Variants in TBCE observed in about 807,000 individuals in gnomAD.
TBCE encodes tubulin-specific chaperone E.
Under a neutral mutation model 77.0 loss-of-function variants are expected in TBCE, and 53 were observed. That is an observed-to-expected ratio of 0.69 (90% CI 0.55 to 0.87). TBCE has a LOEUF of 0.87. TBCE is among the 40% of genes least tolerant of loss of function. TBCE has a pLI of 0.00. For synonymous variants in TBCE, 235 were observed against 241.3 expected, an observed-to-expected ratio of 0.97 and a Z score of 0.24; for missense variants, 624 against 622.4, an observed-to-expected ratio of 1.00 and a Z score of -0.03.
chr1:235,450,094 A>C lies in TBCE; in HGVS notation c.*1332A>C. On this transcript the variant is annotated 3_prime_UTR_variant, in exon 17 of 17. Coordinates refer to ENST00000642610, the MANE Select transcript of TBCE (RefSeq NM_003193.5). ...GTTCTGGGTGAAAGTGCCAGTCTGG[A>C]ACTCTCTTGAAAGACCATACAGTCT... 7.6e-7 allele frequency: 1 copy of C among 1,313,478 alleles called. No individual in the cohort carries two copies. The highest frequency in any genetic ancestry group is 1.1e-6 in the Non-Finnish European group (1 of 940,566). The allele number at this position is 1,313,478 out of a possible 1,614,324, so 81.4% of individuals were successfully genotyped here. A position where few individuals can be genotyped will look rare whatever the true frequency, so the allele number is the denominator to read the frequency against.
intron 1 of TBCE, among the ~76,000 whole-genome samples, chr1:235,370,563 T>G (rs1011527184): frequency 4.6e-5 from 7 of 151,468 alleles, no homozygotes; most frequent in Non-Finnish European, 1.0e-4. Context: ...TTTTTTTTTT[T>G]TTTGGGAAGA....
rs1682921615 is a variant in TBCE, at chr1:235,451,823, AAGCCAG to A, written c.*3062_*3067del. 6.6e-6 allele frequency: 1 copy of A among 152,220 alleles called. No homozygotes were observed. The highest frequency in any genetic ancestry group is 2.4e-5 in the African/African-American group (1 of 41,458). The allele number at this position is 152,220 out of a possible 1,614,324, so 9.4% of individuals were successfully genotyped here. A position where few individuals can be genotyped will look rare whatever the true frequency, so the allele number is the denominator to read the frequency against. ...TCCAGAACAGAAATCTCTGAAGCTA[AAGCCAG>A]CTTTGTGCTTGATTTCTTCCCAGGG... is the stretch of plus-strand genomic sequence containing the variant. On this transcript the variant is annotated 3_prime_UTR_variant, in exon 17 of 17. Coordinates refer to ENST00000642610, the MANE Select transcript of TBCE (RefSeq NM_003193.5).
chr1:235,437,918 A>T (rs977961994), intron 12 of TBCE, among the ~76,000 whole-genome samples: 27 of 152,246 alleles, frequency 1.8e-4, no homozygotes, highest in Non-Finnish European at 2.8e-4. Flanking sequence ...AGCCTTGTGC[A>T]GTTTCATAAT....
chr1:235,433,251 T>C, intron 7 of TBCE: 6 of 1,131,858 alleles, frequency 5.3e-6, no homozygotes, highest in Non-Finnish European at 6.8e-6. Flanking sequence ...GATGGAGTCT[T>C]GCTCTGTTGC....
In TBCE at chr1:235,413,175, G is replaced by T. The variant is rs370240354; in HGVS notation, c.186-1258G>T. Among the ~76,000 whole-genome samples the T allele has an allele frequency of 2.0e-5, 3 of 152,246 alleles. No individual in the cohort carries two copies. In the East Asian group the frequency reaches 5.8e-4, roughly 29 times the overall value. On this transcript the variant is annotated intron_variant, in intron 3 of 16. Coordinates refer to ENST00000642610, the MANE Select transcript of TBCE (RefSeq NM_003193.5). ...TAATGGTTGTTGCCTGGGCAACGTA[G>T]TGAGATGTTGTCTCTTAAAAAAAGT...
At chr1:235,440,399 TA>T in intron 13 of TBCE, among the ~76,000 whole-genome samples, 1 of 152,120 alleles carries the variant, frequency 6.6e-6, no homozygotes, top group East Asian at 1.9e-4. Flanking sequence ...CGTATATATA[TA>T]TATTTTTTTG....
At chr1:235,382,376 C>T (rs1000137041) in intron 2 of TBCE, among the ~76,000 whole-genome samples, 1 of 152,082 alleles carries the variant, frequency 6.6e-6, no homozygotes, top group East Asian at 1.9e-4. Context: ...TCTAGATCCC[C>T]AAGGAATCGC....
At chr1:235,378,715 C>T (rs1259447779) in intron 1 of TBCE, among the ~76,000 whole-genome samples, 4 of 151,742 alleles carry the variant, frequency 2.6e-5, no homozygotes, top group Admixed American at 1.3e-4. Flanking sequence ...GGTATGGTGG[C>T]GTGTGCGTGG....
At chr1:235,405,339 T>TA (rs1491271151) in intron 3 of TBCE, among the ~76,000 whole-genome samples, 1 of 114,180 alleles carries the variant, frequency 8.8e-6, no homozygotes, top group East Asian at 2.5e-4. Flanking sequence ...TTTTTTTTTT[T>TA]AATAAGTAGG....
intron 2 of TBCE, among the ~76,000 whole-genome samples, chr1:235,386,700 C>G (rs970347666): frequency 2.0e-5 from 3 of 152,126 alleles, no homozygotes; most frequent in African/African-American, 7.2e-5. Flanking sequence ...ATACATTCGT[C>G]TAAATTTTTT....
intron 4 of TBCE, among the ~76,000 whole-genome samples, chr1:235,417,104 CACT>C (rs1680152689): frequency 6.6e-6 from 1 of 152,118 alleles, no homozygotes; most frequent in South Asian, 2.1e-4. Flanking sequence ...GAGATCGTAC[CACT>C]AAGAAGAGAC....
At chr1:235,391,227 C>T (rs942403397) in intron 2 of TBCE, among the ~76,000 whole-genome samples, 6 of 151,868 alleles carry the variant, frequency 4.0e-5, no homozygotes, top group East Asian at 1.9e-4. Flanking sequence ...TGGTGGCTCA[C>T]GCCTGTAATC....
At chr1:235,417,989 C>T (rs1680197460) in intron 4 of TBCE, among the ~76,000 whole-genome samples, 1 of 152,136 alleles carries the variant, frequency 6.6e-6, no homozygotes, top group South Asian at 2.1e-4. Flanking sequence ...ACCATGTTGG[C>T]CAGGCTGGTC....
Position 235,448,919 on chromosome 1 carries a change from A to C in TBCE, c.*157A>C. ...ATGTATTTTTTGTTGGGAAGTGACC[A>C]TTTCTAGGCTTATACATAATAGCAA... On this transcript the variant is annotated 3_prime_UTR_variant, in exon 17 of 17. Transcript: ENST00000642610. 1.5e-6 allele frequency: 1 copy of C among 649,402 alleles called. No homozygotes were observed. Among genetic ancestry groups the C allele is most frequent in the Admixed American group, 2.2e-5 (1 of 44,748 alleles). The allele number at this position is 649,402 out of a possible 1,614,324, so 40.2% of individuals were successfully genotyped here.
intron 2 of TBCE, among the ~76,000 whole-genome samples, chr1:235,390,641 A>G (rs1328459695): frequency 6.6e-6 from 1 of 151,838 alleles, no homozygotes; most frequent in Non-Finnish European, 1.5e-5. Context: ...CATGCCAATA[A>G]TCCGAGCTAC....
At position 235,438,877 on chromosome 1, in the gene TBCE, G is replaced by A. The variant is rs142349400; in HGVS notation, c.1225G>A (p.Glu409Lys). ...GGATCCGGAAAAAAACAGACTCAGC[G>A]AAGAATTCCTCACAGCCCATCCCAG... ...HKDPEKNRLS[E>K]EFLTAHPRYQ... The change falls in exon 13 of 17, where the codon GAA (glutamate) becomes AAA (lysine). Residue 409 changes from glutamate to lysine, a missense_variant. By Grantham distance (56) the Glu-to-Lys change is moderately conservative. Transcript: ENST00000642610. 9.3e-6 allele frequency: 15 copies of A among 1,614,018 alleles called. No homozygotes were observed. The East Asian group carries it at 1.6e-4, about 17-fold the overall frequency.
intron 3 of TBCE, among the ~76,000 whole-genome samples, 193 bp from the exon 4 acceptor site, chr1:235,414,240 C>T (rs904691268): frequency 6.6e-6 from 1 of 152,168 alleles, no homozygotes; most frequent in Non-Finnish European, 1.5e-5. Context: ...AGGGATTTAA[C>T]ATGCTTGCAT....
intron 15 of TBCE, among the ~76,000 whole-genome samples, chr1:235,446,853 T>A (rs1258161550): frequency 1.3e-5 from 2 of 151,992 alleles, no homozygotes; most frequent in Non-Finnish European, 1.5e-5. Flanking sequence ...CTTGGCTAAT[T>A]TTTTATTTTT....
Position 235,414,439 on chromosome 1 carries a change from G to T in TBCE, c.192G>T (p.Pro64=), listed in dbSNP as rs544392141. The T allele has an allele frequency of 2.5e-6, 4 of 1,613,498 alleles. No homozygotes were observed. The South Asian group carries it at 4.4e-5, about 18-fold the overall frequency. Residue 64 remains proline (P), a synonymous_variant, in exon 4 of 17, where the codon CCG becomes CCT. Transcript: ENST00000642610. The stretch of plus-strand genomic sequence containing the variant: ...ATTTGCTCTTCTTTACCAGGCACCC[G>T]ACAGGAGGATCCTTTATTCGTCCGA... ...EGTVYFKCRH[P]TGGSFIRPNK...
Sources: gnomAD v4.1 joint callset for allele counts (sites outside exome capture counted in the v4.1 genomes callset) on GRCh38, gnomAD v4.1.1 for gene constraint, MANE v1.5 for transcripts, NCBI Gene and HGNC (gene_info 2026-07-23, HGNC 2026-07-21) for gene names.